The following MTCL1 variants were observed in gnomAD, a reference collection of about 807,000 sequenced individuals.
MTCL1 encodes microtubule cross-linking factor 1.
A neutral mutation model predicts 141.4 loss-of-function variants in MTCL1; 79 were observed. The observed-to-expected ratio is 0.56, with a 90% CI of 0.47 to 0.67. The LOEUF is 0.67. Ranked by LOEUF, MTCL1 falls within the 30% of genes least tolerant of loss-of-function variation. The pLI is 0.00. For missense variants in MTCL1, 2,177 were observed against 2,113.9 expected (o/e 1.03, Z -0.59); for synonymous variants, 914 against 875.8 (o/e 1.04, Z -0.77).
intron 4 of MTCL1, among the ~76,000 whole-genome samples, chr18:8,757,293 G>A (rs1222821244): frequency 2.0e-5 from 3 of 152,092 alleles, no homozygotes; most frequent in Admixed American, 6.6e-5. Context: ...TTAAGTTTTA[G>A]CTTCTACAGG....
chr18:8,775,455 C>G (rs577979791), intron 4 of MTCL1, among the ~76,000 whole-genome samples: 59 of 151,588 alleles, frequency 3.9e-4, no homozygotes, highest in African/African-American at 1.4e-3. Context: ...CACCTGTAAT[C>G]CCAGCTACTG....
intron 16 of MTCL1, chr18:8,829,642 C>A (rs191728126): frequency 1.3e-4 from 128 of 985,262 alleles, no homozygotes; most frequent in Non-Finnish European, 1.5e-4. Flanking sequence ...TATAGTCATC[C>A]ACCCACCTCA....
At chr18:8,797,859 G>A (rs1289358494) in intron 9 of MTCL1, among the ~76,000 whole-genome samples, 1 of 152,222 alleles carries the variant, frequency 6.6e-6, no homozygotes, top group African/African-American at 2.4e-5. Flanking sequence ...TTTAAAAGCA[G>A]TAGAATTAAA....
chr18:8,743,185 A>G (rs1567967438), intron 4 of MTCL1, among the ~76,000 whole-genome samples: 1 of 152,252 alleles, frequency 6.6e-6, no homozygotes, highest in Non-Finnish European at 1.5e-5. Flanking sequence ...TTAGTACAGG[A>G]CATTGTTCTA....
intron 12 of MTCL1, among the ~76,000 whole-genome samples, chr18:8,815,753 G>A (rs1453196272): frequency 6.6e-6 from 1 of 151,718 alleles, no homozygotes; most frequent in East Asian, 1.9e-4. Context: ...CCAATTCCAG[G>A]TTATCAGTAT....
rs1447755543 is a variant in MTCL1 at position 8,779,378 on chromosome 18, T to C, written c.417+1486T>C. On this transcript the variant is annotated intron_variant, in intron 5 of 16. Coordinates refer to ENST00000359865, the Ensembl canonical transcript of MTCL1. This position sits in a 1 kb window ranked among gnomAD's most constrained non-coding sequence, Gnocchi z 4.1. ...TCCAATGATCTCTCGAAACCAGAAATGATATGCTTCAGTTTAGACTCGGCC... is the reference window on the plus strand; with the variant it reads ...TCCAATGATCTCTCGAAACCAGAAACGATATGCTTCAGTTTAGACTCGGCC... 2.0e-5 allele frequency among the ~76,000 whole-genome samples: 3 copies of C among 152,116 alleles called. No individual in the cohort carries two copies. Among genetic ancestry groups the C allele is most frequent in the Non-Finnish European group, 4.4e-5 (3 of 68,026 alleles).
chr18:8,732,412 A>G (rs1402046822), intron 4 of MTCL1, among the ~76,000 whole-genome samples: 2 of 151,986 alleles, frequency 1.3e-5, no homozygotes, highest in Admixed American at 1.3e-4. Flanking sequence ...GTGTTTGGCT[A>G]ATTTAGGTAA....
Position 8,783,987 on chromosome 18 carries a change from T to A in MTCL1, c.875T>A (p.Ile292Asn), listed in dbSNP as rs769848943. The A allele has an allele frequency of 5.6e-6, 9 of 1,613,676 alleles. No individual in the cohort carries two copies. In the East Asian group the frequency reaches 1.3e-4, roughly 24 times the overall value. The change falls in exon 6 of 17, where the codon ATC becomes AAC. Residue 292 changes from isoleucine to asparagine, a missense_variant. Physicochemically the swap from Ile to Asn is moderately radical, Grantham distance 149. Coordinates refer to ENST00000359865, the Ensembl canonical transcript of MTCL1. Reference sequence around the variant, plus strand: ...GAAGCGGAGTTGCTCCGGAGGTCCATCTCCGAGATCGAAGACCACAACCGG... The same window carrying A: ...GAAGCGGAGTTGCTCCGGAGGTCCAACTCCGAGATCGAAGACCACAACCGG...
intron 12 of MTCL1, among the ~76,000 whole-genome samples, chr18:8,816,904 G>C (rs994182041): frequency 5.3e-5 from 8 of 152,156 alleles, no homozygotes; most frequent in Non-Finnish European, 7.3e-5. Flanking sequence ...CCCTCTCTGA[G>C]GACTCGTTCT....
chr18:8,785,865 T>C, intron 6 of MTCL1, 71 bp from the exon 6 acceptor site: 1 of 1,512,880 alleles, frequency 6.6e-7, no homozygotes, highest in Non-Finnish European at 8.8e-7. Context: ...ACCCTTGTCC[T>C]TTGTTTGTTT....
At chr18:8,765,620 G>A (rs1020826622) in intron 4 of MTCL1, among the ~76,000 whole-genome samples, 8 of 152,198 alleles carry the variant, frequency 5.3e-5, no homozygotes, top group African/African-American at 1.9e-4. Flanking sequence ...CCAACAGGAG[G>A]GTGCTGCAGC....
At chr18:8,715,571 T>G (rs2096123492), upstream of MTCL1, among the ~76,000 whole-genome samples, 1 of 152,164 alleles carries the variant, frequency 6.6e-6, no homozygotes, top group Admixed American at 6.5e-5. Context: ...TGATTTGTAT[T>G]AATGACTCAG....
rs530572121 is a variant in MTCL1 at position 8,724,716 on chromosome 18, G to A, written c.357+4220G>A. 2.0e-5 allele frequency among the ~76,000 whole-genome samples: 3 copies of A among 152,220 alleles called. No individual in the cohort carries two copies. The East Asian group carries it at 5.8e-4, about 29-fold the overall frequency. On this transcript the variant is annotated intron_variant, in intron 4 of 16. Transcript: ENST00000359865. ...GGTTTCCCACTCCAGGGCTGTAAAC[G>A]TTGGCCTGAAATGGGAGAGCAGTTT...
At chr18:8,758,713 C>G (rs1253780052) in intron 4 of MTCL1, among the ~76,000 whole-genome samples, 1 of 152,186 alleles carries the variant, frequency 6.6e-6, no homozygotes, top group African/African-American at 2.4e-5. Flanking sequence ...TTTCTCATCT[C>G]CCAAGGGCCC....
chr18:8,806,798 G>A, intron 10 of MTCL1, 95 bp from the exon 10 acceptor site: 2 of 998,656 alleles, frequency 2.0e-6, no homozygotes, highest in Non-Finnish European at 2.8e-6. Flanking sequence ...CTGGGAAACA[G>A]CCCCCACACT....
At chr18:8,770,858 G>A (rs2096482664) in intron 4 of MTCL1, among the ~76,000 whole-genome samples, 1 of 152,130 alleles carries the variant, frequency 6.6e-6, no homozygotes, top group South Asian at 2.1e-4. Context: ...GTCCTGTTGT[G>A]TAATTCCAGT....
At chr18:8,739,522 A>G (rs1001829115) in intron 4 of MTCL1, among the ~76,000 whole-genome samples, 2 of 152,294 alleles carry the variant, frequency 1.3e-5, no homozygotes, top group East Asian at 1.9e-4. Flanking sequence ...ATAAGACTGC[A>G]TCTTTCAGAG....
chr18:8,819,331 C>G, intron 13 of MTCL1, 72 bp downstream of exon 12: 5 of 1,511,706 alleles, frequency 3.3e-6, no homozygotes, highest in Non-Finnish European at 4.5e-6. Flanking sequence ...TAAGAGGCAT[C>G]TGCCAGATTC....
intron 6 of MTCL1, among the ~76,000 whole-genome samples, 179 bp downstream of exon 5, chr18:8,785,022 T>TG (rs112582025): frequency 3.2e-5 from 4 of 123,170 alleles, no homozygotes; most frequent in East Asian, 2.1e-4. Context: ...GTTTTTTTTG[T>TG]TTTTTTTTTT....
Sources: allele counts gnomAD v4.1 joint callset (sites outside exome capture counted in the v4.1 genomes callset), GRCh38; gene constraint gnomAD v4.1.1; non-coding constraint Gnocchi (gnomAD v3.1); transcripts MANE v1.5; gene names NCBI Gene and HGNC (gene_info 2026-07-23, HGNC 2026-07-21).